TNRC6C: variants seen among roughly 807,000 people sequenced by gnomAD.
The protein encoded by TNRC6C is trinucleotide repeat containing adaptor 6C.
TNRC6C carries 20 observed loss-of-function variants against 153.7 expected under a neutral mutation model. The observed-to-expected ratio is 0.13, with a 90% CI of 0.09 to 0.19. The LOEUF is 0.19. Ranked by LOEUF, TNRC6C falls within the 10% of genes least tolerant of loss-of-function variation. The pLI is 1.00. For missense variants in TNRC6C, 1,987 were observed against 2,172.0 expected, an observed-to-expected ratio of 0.91 and a Z score of 1.69; for synonymous variants, 811 against 841.4, an observed-to-expected ratio of 0.96 and a Z score of 0.63.
chr17:77,970,178 C>T (rs184150351), intron 1 of TNRC6C, among the ~76,000 whole-genome samples: 2 of 152,314 alleles, frequency 1.3e-5, no homozygotes, highest in Non-Finnish European at 2.9e-5. Context: ...CTGGTTTGGG[C>T]TAAGCGTATT....
chr17:78,067,899 C>T (rs369953147), exon 5 of TNRC6C: 122 of 1,608,106 alleles, frequency 7.6e-5, no homozygotes, highest in Middle Eastern at 1.7e-4. Context: ...CCTGGGGGAA[C>T]GCCCCCAAAA....
At chr17:78,026,659 C>T (rs1210487325) in intron 1 of TNRC6C, among the ~76,000 whole-genome samples, 1 of 152,152 alleles carries the variant, frequency 6.6e-6, no homozygotes, top group Non-Finnish European at 1.5e-5. Flanking sequence ...CTCAGGACCA[C>T]GTGGACCTTG....
chr17:77,987,925 CCG>C (rs2071194354), intron 1 of TNRC6C, among the ~76,000 whole-genome samples: 1 of 152,108 alleles, frequency 6.6e-6, no homozygotes, highest in Non-Finnish European at 1.5e-5. Context: ...AGTTATCCGC[CCG>C]CCTTGGCCTC....
chr17:78,074,712 A>G (rs768995434), intron 7 of TNRC6C, among the ~76,000 whole-genome samples: 47 of 152,264 alleles, frequency 3.1e-4, no homozygotes, highest in South Asian at 2.1e-4. Flanking sequence ...TTTTGCAGAC[A>G]GAATAATCGG....
chr17:78,034,163 C>G (rs1383881268), intron 2 of TNRC6C, among the ~76,000 whole-genome samples: 1 of 152,114 alleles, frequency 6.6e-6, no homozygotes, highest in African/African-American at 2.4e-5. Context: ...AAGTGATTCT[C>G]CTGCCTGCCT....
At chr17:78,050,041 G>C (rs373925530) in exon 3 of TNRC6C, 1 of 1,612,302 alleles carries the variant, frequency 6.2e-7, no homozygotes, top group Admixed American at 1.7e-5. Context: ...CCATTCAGGA[G>C]CTTGGGGCCA....
chr17:78,092,708 T>C (rs1235075590), intron 14 of TNRC6C, among the ~76,000 whole-genome samples: 1 of 152,102 alleles, frequency 6.6e-6, no homozygotes, highest in East Asian at 1.9e-4. Context: ...CACTCCAGCC[T>C]GGGCCACAGA....
chr17:78,073,003 T>C (rs1215097956), intron 6 of TNRC6C, 34 bp from the exon 9 acceptor site: 3 of 1,484,014 alleles, frequency 2.0e-6, no homozygotes, highest in Middle Eastern at 1.8e-4. Flanking sequence ...TGTTAATTAA[T>C]GTGCACTAAT....
Position 78,088,274 on chromosome 17 carries a change from G to A in TNRC6C, c.3802+1181G>A, listed in dbSNP as rs372002004. Among the ~76,000 whole-genome samples the A allele has an allele frequency of 9.9e-5, 15 of 152,104 alleles. 2 individuals carry two copies. The highest frequency in any genetic ancestry group is 2.4e-4 in the African/African-American group (10 of 41,518). ...CTCATCCATTAGAGCCCTTTGTGTC[G>A]AAGTAGGTAAGACCTGACTTAGGAA... On this transcript the variant is annotated intron_variant, in intron 13 of 19. Transcript: ENST00000301624.
At chr17:78,074,818 G>A (rs1448963304) in intron 7 of TNRC6C, among the ~76,000 whole-genome samples, 3 of 152,240 alleles carry the variant, frequency 2.0e-5, no homozygotes, top group African/African-American at 7.2e-5. Flanking sequence ...CAGGGGAGAG[G>A]ACAAGCTGAG....
exon 20 of TNRC6C, chr17:78,106,181 T>G (rs759381720): frequency 6.6e-6 from 1 of 152,058 alleles, no homozygotes; most frequent in Non-Finnish European, 1.5e-5. Context: ...AGCCTGGGGT[T>G]TGGGCTCCCA....
rs181655182 is a variant in TNRC6C at position 78,013,704 on chromosome 17, A to G, written c.-546+8625A>G. The stretch of plus-strand genomic sequence containing the variant: ...GCCCAAACTTGGCAGGAGTTGTGGA[A>G]GGTATCATTGAATCTGAAGGGTGAG... On this transcript the variant is annotated intron_variant, in intron 1 of 19. Coordinates refer to ENST00000301624, the Ensembl canonical transcript of TNRC6C. 2.7e-3 allele frequency among the ~76,000 whole-genome samples: 410 copies of G among 152,224 alleles called. 2 individuals carry two copies. The highest frequency in any genetic ancestry group is 8.8e-3 in the African/African-American group (367 of 41,486).
At chr17:78,053,857 C>G (rs1480383343) in intron 3 of TNRC6C, among the ~76,000 whole-genome samples, 2 of 152,032 alleles carry the variant, frequency 1.3e-5, no homozygotes, top group African/African-American at 4.8e-5. Context: ...CATAACGAGA[C>G]CCCATTTCTT....
At chr17:77,974,102 A>G (rs1385527599) in intron 1 of TNRC6C, among the ~76,000 whole-genome samples, 2 of 152,118 alleles carry the variant, frequency 1.3e-5, no homozygotes, top group Non-Finnish European at 2.9e-5. Flanking sequence ...GAATGGAGGT[A>G]AAACAGAACA....
chr17:78,087,176 A>G (rs1241417090), intron 13 of TNRC6C, 83 bp downstream of exon 15: 11 of 1,544,236 alleles, frequency 7.1e-6, no homozygotes, highest in Non-Finnish European at 9.6e-6. Context: ...GCAGCATTTC[A>G]GTGGTTAGGA....
At chr17:78,051,773 C>T (rs978585535) in intron 3 of TNRC6C, among the ~76,000 whole-genome samples, 5 of 152,178 alleles carry the variant, frequency 3.3e-5, no homozygotes, top group African/African-American at 1.2e-4. Flanking sequence ...TCCAAGATTT[C>T]GTAACCATTT....
intron 13 of TNRC6C, among the ~76,000 whole-genome samples, chr17:78,088,939 A>T (rs2073345900): frequency 6.8e-6 from 1 of 147,842 alleles, no homozygotes; most frequent in South Asian, 2.2e-4. Context: ...TATTTGGAGG[A>T]TAAAGTACAC....
chr17:78,028,179 G>A (rs577040132), intron 1 of TNRC6C, among the ~76,000 whole-genome samples: 1 of 152,288 alleles, frequency 6.6e-6, no homozygotes, highest in East Asian at 1.9e-4. Context: ...ACAGGCGTGA[G>A]CCATCGCCCC....
chr17:78,018,467 T>G (rs962565014), intron 1 of TNRC6C, among the ~76,000 whole-genome samples: 1 of 152,028 alleles, frequency 6.6e-6, no homozygotes, highest in African/African-American at 2.4e-5. Flanking sequence ...GTATTCACAG[T>G]GCCTGGCACA....
Sources: allele counts gnomAD v4.1 joint callset (sites outside exome capture counted in the v4.1 genomes callset), GRCh38; gene constraint gnomAD v4.1.1; transcripts MANE v1.5; gene names NCBI Gene and HGNC (gene_info 2026-07-23, HGNC 2026-07-21).